MTDH: variants seen among roughly 807,000 people sequenced by gnomAD.
The protein encoded by MTDH is metadherin.
MTDH carries 34 observed loss-of-function variants against 72.7 expected under a neutral mutation model. The ratio of observed to expected loss-of-function variants is 0.47; its 90% CI spans 0.36 to 0.62. The LOEUF (loss-of-function observed/expected upper bound fraction) is 0.62. Ranked by LOEUF, MTDH falls within the 20% of genes least tolerant of loss-of-function variation. The pLI is 0.00. For missense variants in MTDH, 677 were observed against 699.4 expected, an observed-to-expected ratio of 0.97 and a Z score of 0.36; for synonymous variants, 266 against 268.9, an observed-to-expected ratio of 0.99 and a Z score of 0.10.
At chr8:97,662,965 A>T (rs753661892) in intron 2 of MTDH, among the ~76,000 whole-genome samples, 2 of 151,950 alleles carry the variant, frequency 1.3e-5, no homozygotes, top group Non-Finnish European at 2.9e-5. Flanking sequence ...GAAATAATTA[A>T]ATTTATGTCT....
chr8:97,656,920 T>G (rs1812000126), intron 1 of MTDH, among the ~76,000 whole-genome samples: 1 of 151,242 alleles, frequency 6.6e-6, no homozygotes. Flanking sequence ...AGGTGGAGGC[T>G]GCAGTGAGCC....
intron 2 of MTDH, among the ~76,000 whole-genome samples, chr8:97,666,767 A>G (rs1194261857): frequency 1.3e-5 from 2 of 151,796 alleles, no homozygotes; most frequent in Non-Finnish European, 2.9e-5. Context: ...GCACGATCTC[A>G]CTCACTGCAG....
chr8:97,716,724 T>G (rs1814888332), intron 9 of MTDH, among the ~76,000 whole-genome samples: 1 of 152,166 alleles, frequency 6.6e-6, no homozygotes, highest in South Asian at 2.1e-4. Flanking sequence ...TTGTTTGTTT[T>G]TTGAGACATT....
intron 1 of MTDH, among the ~76,000 whole-genome samples, chr8:97,651,707 T>C (rs1041559058): frequency 6.6e-6 from 1 of 152,226 alleles, no homozygotes; most frequent in African/African-American, 2.4e-5. Context: ...TTAGTCCCTA[T>C]CTGTATCTAG....
At chr8:97,656,102 T>C (rs925536882) in intron 1 of MTDH, among the ~76,000 whole-genome samples, 6 of 152,002 alleles carry the variant, frequency 3.9e-5, no homozygotes, top group Non-Finnish European at 7.4e-5. Context: ...AGTTTCTAGG[T>C]CATTTGAATC....
At chr8:97,676,661 G>C (rs1812858975) in intron 2 of MTDH, among the ~76,000 whole-genome samples, 1 of 152,044 alleles carries the variant, frequency 6.6e-6, no homozygotes, top group African/African-American at 2.4e-5. Context: ...TTGAGCCTAG[G>C]AGTTCGAGAC....
intron 2 of MTDH, among the ~76,000 whole-genome samples, chr8:97,674,821 T>C (rs1457660706): frequency 6.6e-6 from 1 of 152,058 alleles, no homozygotes; most frequent in Admixed American, 6.6e-5. Context: ...ATTCTTTTTT[T>C]TTTTCTTGAG....
rs777255800 is a variant in MTDH, at chr8:97,644,531, G to A, written c.25G>A (p.Glu9Lys). 11 of 1,595,192 alleles carry A rather than the reference G, an allele frequency of 6.9e-6. No individual in the cohort carries two copies. The highest frequency in any genetic ancestry group is 1.9e-4 in the Middle Eastern group (1 of 5,314). Residue 9 changes from glutamate to lysine, a missense_variant, in exon 1 of 12, where the codon GAG (glutamate) becomes AAG (lysine). By Grantham distance (56) the Glu-to-Lys change is moderately conservative (BLOSUM62 1). This residue lies in a region of MTDH where 467 missense variants were observed against 469.1 expected (regional missense o/e 1.00). Coordinates refer to ENST00000336273, the MANE Select transcript of MTDH (RefSeq NM_178812.4). Reference protein sequence around the residue: MAARSWQDELAQQAEEGSA... With the variant: MAARSWQDKLAQQAEEGSA... The stretch of plus-strand genomic sequence containing the variant: ...GATGGCTGCACGGAGCTGGCAGGAC[G>A]AGCTGGCCCAGCAGGCCGAGGAGGG...
intron 9 of MTDH, among the ~76,000 whole-genome samples, chr8:97,716,397 A>G (rs1242147191): frequency 6.6e-6 from 1 of 151,476 alleles, no homozygotes; most frequent in Non-Finnish European, 1.5e-5. Flanking sequence ...AAAAGAAAGA[A>G]AAAAAAAGTT....
intron 8 of MTDH, among the ~76,000 whole-genome samples, chr8:97,707,090 G>A (rs534610487): frequency 6.6e-6 from 1 of 151,908 alleles, no homozygotes; most frequent in Non-Finnish European, 1.5e-5. Context: ...GGTTTTGCTA[G>A]GGTTGGGGTG....
At chr8:97,683,526 G>T (rs2130991782) in intron 2 of MTDH, among the ~76,000 whole-genome samples, 1 of 151,636 alleles carries the variant, frequency 6.6e-6, no homozygotes, top group East Asian at 1.9e-4. Flanking sequence ...CTCCCAAGTA[G>T]CTGGAACCAC....
chr8:97,674,903 C>T (rs543257269), intron 2 of MTDH, among the ~76,000 whole-genome samples: 45 of 152,126 alleles, frequency 3.0e-4, no homozygotes, highest in African/African-American at 1.0e-3. Context: ...CTTGCCCTCC[C>T]GGGCTCAAGT....
intron 1 of MTDH, among the ~76,000 whole-genome samples, chr8:97,656,235 CT>C: frequency 1.3e-5 from 2 of 150,108 alleles, no homozygotes; most frequent in African/African-American, 2.5e-5. Flanking sequence ...GATACAGGTT[CT>C]TTTGCAAGTT....
chr8:97,677,727 A>T (rs1434185174), intron 2 of MTDH, among the ~76,000 whole-genome samples: 4 of 152,174 alleles, frequency 2.6e-5, no homozygotes, highest in Non-Finnish European at 5.9e-5. Context: ...AATTTTAGCT[A>T]ATGGTATTCT....
At chr8:97,713,099 T>A (rs1056125999) in intron 8 of MTDH, among the ~76,000 whole-genome samples, 2 of 152,176 alleles carry the variant, frequency 1.3e-5, no homozygotes, top group African/African-American at 4.8e-5. Flanking sequence ...ATTTATTTAT[T>A]TTTGAGACGG....
At chr8:97,652,016 T>C (rs1424899417) in intron 1 of MTDH, among the ~76,000 whole-genome samples, 3 of 152,176 alleles carry the variant, frequency 2.0e-5, no homozygotes, top group Non-Finnish European at 4.4e-5. Flanking sequence ...GTACCATCAA[T>C]TTTATCTCCA....
At chr8:97,699,318 A>G (rs1166782636) in intron 6 of MTDH, among the ~76,000 whole-genome samples, 9 of 152,010 alleles carry the variant, frequency 5.9e-5, no homozygotes, top group African/African-American at 1.9e-4. Context: ...GCATGGTGGT[A>G]CAAGCCTGTG....
chr8:97,707,739 C>T (rs756707522), intron 8 of MTDH, among the ~76,000 whole-genome samples: 2 of 151,352 alleles, frequency 1.3e-5, no homozygotes, highest in Non-Finnish European at 2.9e-5. Flanking sequence ...GGAAAGGATC[C>T]GGAATAAACT....
rs562112778 is a variant in MTDH, at chr8:97,728,141, T to C, written c.*3471T>C. On this transcript the variant is annotated 3_prime_UTR_variant, in exon 12 of 12. Transcript: ENST00000336273. The stretch of plus-strand genomic sequence containing the variant: ...TTAGGTTTAAGATGTCTACTAGATA[T>C]CTTTAAGATTTTCCTGTAAACTCAC... 2 of 152,146 alleles carry C rather than the reference T, an allele frequency of 1.3e-5. No individual in the cohort carries two copies. Among genetic ancestry groups the C allele is most frequent in the Non-Finnish European group, 2.9e-5 (2 of 68,028 alleles). 9.4% of individuals were successfully genotyped at this position (152,146 alleles called of 1,614,324 possible).
Sources: gnomAD v4.1 joint callset for allele counts (sites outside exome capture counted in the v4.1 genomes callset) on GRCh38, gnomAD v4.1.1 for gene constraint, gnomAD v4.1.1 regional missense constraint, MANE v1.5 for transcripts, NCBI Gene and HGNC (gene_info 2026-07-23, HGNC 2026-07-21) for gene names.